GPHN: variants seen among roughly 807,000 people sequenced by gnomAD.
The protein encoded by GPHN is gephyrin.
A neutral mutation model predicts 95.5 loss-of-function variants in GPHN; 17 were observed. The observed-to-expected ratio is 0.18, with a 90% CI of 0.12 to 0.27. The LOEUF (loss-of-function observed/expected upper bound fraction) is 0.27. GPHN is among the 10% of genes least tolerant of loss of function. The pLI is 1.00. For missense variants in GPHN, 660 were observed against 978.1 expected, an observed-to-expected ratio of 0.67 and a Z score of 4.34; for synonymous variants, 320 against 322.5, an observed-to-expected ratio of 0.99 and a Z score of 0.08.
the GPHN span, among the ~76,000 whole-genome samples, chr14:67,278,753 A>G: frequency 6.6e-6 from 1 of 152,218 alleles, no homozygotes; most frequent in African/African-American, 2.4e-5. Context: ...CTACTTTGCT[A>G]AACTTTCCAG....
At chr14:66,896,046 C>T (rs1247567775) in intron 5 of GPHN, among the ~76,000 whole-genome samples, 1 of 152,108 alleles carries the variant, frequency 6.6e-6, no homozygotes, top group Non-Finnish European at 1.5e-5. Context: ...CTTGCTGCAT[C>T]TTCACGTGGT....
intron 16 of GPHN, among the ~76,000 whole-genome samples, chr14:67,115,800 G>T (rs989668017): frequency 6.6e-6 from 1 of 151,878 alleles, no homozygotes; most frequent in Non-Finnish European, 1.5e-5. Context: ...ATGACATATT[G>T]GTAAGCAGGA....
chr14:66,708,596 A>G (rs2069317882), intron 2 of GPHN, among the ~76,000 whole-genome samples: 1 of 152,204 alleles, frequency 6.6e-6, no homozygotes, highest in African/African-American at 2.4e-5. Flanking sequence ...TTCAGTATTT[A>G]ACACAACATG....
chr14:67,157,415 T>C (rs2081660321), intron 18 of GPHN, among the ~76,000 whole-genome samples: 1 of 152,170 alleles, frequency 6.6e-6, no homozygotes, highest in Non-Finnish European at 1.5e-5. Context: ...CCCCCAGTCT[T>C]TGGAGTTCAG....
At chr14:66,777,574 A>G (rs1320758664) in intron 3 of GPHN, among the ~76,000 whole-genome samples, 2 of 152,196 alleles carry the variant, frequency 1.3e-5, no homozygotes, top group African/African-American at 4.8e-5. Context: ...AAAATCCTCA[A>G]TAAAATACTG....
At chr14:67,317,615 G>T in the GPHN span, 2 of 535,808 alleles carry the variant, frequency 3.7e-6, no homozygotes. Flanking sequence ...AATCCTGTGA[G>T]TAAGGCAGTG....
intron 14 of GPHN, 133 bp from the exon 15 acceptor site, chr14:67,111,728 G>C: frequency 1.3e-6 from 1 of 742,640 alleles, no homozygotes; most frequent in East Asian, 2.7e-5. Context: ...TTTTCAAAGG[G>C]TGTAGCAAAT....
intron 1 of GPHN, among the ~76,000 whole-genome samples, chr14:66,641,285 G>A (rs1024244500): frequency 1.3e-5 from 2 of 152,114 alleles, no homozygotes; most frequent in Non-Finnish European, 2.9e-5. Flanking sequence ...TTGCAGTGTT[G>A]GGCAGTAGCA....
intron 3 of GPHN, among the ~76,000 whole-genome samples, chr14:66,818,131 A>C (rs2061051217): frequency 1.3e-5 from 2 of 152,180 alleles, no homozygotes; most frequent in South Asian, 4.1e-4. Flanking sequence ...GTTTAGGGGT[A>C]CATGTGTAGA....
chr14:67,058,636 T>A lies in GPHN; in HGVS notation c.1007-13T>A. The A allele has an allele frequency of 6.2e-7, 1 of 1,608,856 alleles. No individual in the cohort carries two copies. Among genetic ancestry groups the A allele is most frequent in the South Asian group, 1.1e-5 (1 of 90,966 alleles). ...ACAGCATCATATTCTTAGTTAATTATCTTACTGTTTAGGTCACAGTGCTGT... is the reference window on the plus strand; with the variant it reads ...ACAGCATCATATTCTTAGTTAATTAACTTACTGTTTAGGTCACAGTGCTGT... On this transcript the variant is annotated splice_polypyrimidine_tract_variant and intron_variant, in intron 10 of 22. Transcript: ENST00000478722.
At chr14:66,895,541 G>A (rs370262126) in intron 5 of GPHN, among the ~76,000 whole-genome samples, 1 of 152,038 alleles carries the variant, frequency 6.6e-6, no homozygotes, top group Non-Finnish European at 1.5e-5. Context: ...ATAAAAAATG[G>A]AAATAATATT....
intron 17 of GPHN, 76 bp downstream of exon 17, chr14:67,122,453 G>T: frequency 7.8e-7 from 1 of 1,285,732 alleles, no homozygotes; most frequent in Non-Finnish European, 1.1e-6. Flanking sequence ...AGGTGGAGTT[G>T]CTGCTAAAGA....
intron 9 of GPHN, among the ~76,000 whole-genome samples, chr14:66,987,877 G>A (rs1231461152): frequency 6.6e-6 from 1 of 152,046 alleles, no homozygotes; most frequent in Non-Finnish European, 1.5e-5. Context: ...AAAGGAAAAA[G>A]GAAAACCGAA....
chr14:67,331,451 C>CA, the GPHN span, among the ~76,000 whole-genome samples: 257 of 152,102 alleles, frequency 1.7e-3, 1 homozygote, highest in Middle Eastern at 3.4e-3. Flanking sequence ...GATGGCGTTA[C>CA]AAAATGTAAC....
chr14:67,366,946 CT>C, the GPHN span, among the ~76,000 whole-genome samples: 1 of 151,900 alleles, frequency 6.6e-6, no homozygotes, highest in African/African-American at 2.4e-5. Context: ...GTCTTATTGG[CT>C]TTAGAACTGG....
the GPHN span, chr14:67,301,873 A>C: frequency 7.8e-7 from 1 of 1,289,560 alleles, no homozygotes; most frequent in East Asian, 2.5e-5. Context: ...AACACTTTTA[A>C]AGATTTAATG....
At chr14:67,641,376 C>T in the GPHN span, among the ~76,000 whole-genome samples, 45 of 152,252 alleles carry the variant, frequency 3.0e-4, no homozygotes, top group African/African-American at 1.1e-3. Context: ...GGGTACTCAA[C>T]CTGTACAAAC....
chr14:67,242,502 A>G, the GPHN span, among the ~76,000 whole-genome samples: 1 of 152,250 alleles, frequency 6.6e-6, no homozygotes, highest in Non-Finnish European at 1.5e-5. Context: ...CTTTTGGATT[A>G]TACCAGAAGT....
chr14:67,362,664 CAAATA>C, the GPHN span, among the ~76,000 whole-genome samples: 1 of 151,696 alleles, frequency 6.6e-6, no homozygotes, highest in Non-Finnish European at 1.5e-5. Context: ...TCTTGAGGAC[CAAATA>C]AAATAAGAAT....
Sources: allele counts gnomAD v4.1 joint callset (sites outside exome capture counted in the v4.1 genomes callset), GRCh38; gene constraint gnomAD v4.1.1; transcripts MANE v1.5; gene names NCBI Gene and HGNC (gene_info 2026-07-23, HGNC 2026-07-21).